Variants in EPHX1 observed in about 807,000 individuals in gnomAD.
EPHX1 encodes the protein epoxide hydratase.
Under a neutral mutation model 43.2 loss-of-function variants are expected in EPHX1, and 40 were observed. That is an observed-to-expected ratio of 0.93 (90% CI 0.72 to 1.21). The LOEUF (loss-of-function observed/expected upper bound fraction) is 1.21. EPHX1 is among the 50% of genes most tolerant of loss of function. The probability of loss-of-function intolerance (pLI) is 0.00; values close to 1 mark genes in which losing one functional copy is unlikely to be tolerated. For synonymous variants in EPHX1, 221 were observed against 226.7 expected, an observed-to-expected ratio of 0.98 and a Z score of 0.22; for missense variants, 550 against 570.4, an observed-to-expected ratio of 0.96 and a Z score of 0.36.
In EPHX1 at chr1:225,831,903, G is replaced by A. The variant is rs781728701; in HGVS notation, c.308G>A (p.Trp103Ter). 1.9e-6 allele frequency: 3 copies of A among 1,614,174 alleles called. No individual in the cohort carries two copies. Among genetic ancestry groups the A allele is most frequent in the East Asian group, 2.2e-5 (1 of 44,876 alleles). Residue 103 changes from tryptophan (W) to a stop codon, truncating the protein, a stop_gained, in exon 3 of 9, where the codon TGG becomes TAG. Transcript: ENST00000272167. LOFTEE classifies it high-confidence loss of function. ...VISYWRNEFD[W>*]KKQVEILNRY... ...TCCTACTGGCGGAATGAATTTGACT[G>A]GAAGAAGCAGGTGGAGATTCTCAAC...
chr1:225,815,362 C>T (rs1483224018), intron 1 of EPHX1, among the ~76,000 whole-genome samples: 1 of 105,944 alleles, frequency 9.4e-6, no homozygotes, highest in African/African-American at 3.0e-5. Flanking sequence ...TCCTCAGCCT[C>T]CCAAGTAGCT....
rs548572744 is a variant in EPHX1 at position 225,844,475 on chromosome 1, G to GGCTTT, written c.1041-21_1041-17dup. 2.8e-4 allele frequency: 447 copies of GGCTTT among 1,614,090 alleles called. 1 individual carries two copies. In the South Asian group the frequency reaches 4.7e-3, roughly 17 times the overall value. ...CAACTGCATGTGGCACTGAGAGTGG[G>GGCTTT]GCTTTGTGTTCTGCGTTCCCAGGAA... On this transcript the variant is annotated intron_variant, in intron 7 of 8. Transcript: ENST00000272167.
intron 7 of EPHX1, 44 bp from the exon 8 acceptor site, chr1:225,844,454 T>C: frequency 1.3e-6 from 2 of 1,490,010 alleles, no homozygotes; most frequent in Non-Finnish European, 1.9e-6. Context: ...GTCACACAAC[T>C]GCATGTGGCA....
chr1:225,813,745 T>G (rs978163699), intron 1 of EPHX1, among the ~76,000 whole-genome samples: 1 of 152,200 alleles, frequency 6.6e-6, no homozygotes, highest in Non-Finnish European at 1.5e-5. Context: ...GGAGTCCTCA[T>G]GCCCACCCGC....
intron 6 of EPHX1, among the ~76,000 whole-genome samples, chr1:225,841,925 CTGTACAGTATTT>C (rs535658819): frequency 2.2e-4 from 33 of 152,278 alleles, no homozygotes; most frequent in African/African-American, 7.2e-4. Context: ...TTTTTAATGA[CTGTACAGTATTT>C]TGGCTTATGA....
At chr1:225,831,520 C>T (rs1483113472) in intron 2 of EPHX1, among the ~76,000 whole-genome samples, 1 of 150,712 alleles carries the variant, frequency 6.6e-6, no homozygotes, top group Non-Finnish European at 1.5e-5. Context: ...GCCCTCCAGC[C>T]TGGGCAACAG....
At chr1:225,831,663 C>A (rs2740167) in intron 2 of EPHX1, 116 bp from the exon 3 acceptor site, 4 of 1,012,536 alleles carry the variant, frequency 4.0e-6, no homozygotes, top group Non-Finnish European at 3.1e-6. Context: ...CCTTGCCACT[C>A]CCAGAGGGCA....
chr1:225,831,071 C>T (rs1667561537), intron 2 of EPHX1, among the ~76,000 whole-genome samples: 1 of 152,104 alleles, frequency 6.6e-6, no homozygotes, highest in Admixed American at 6.5e-5. Flanking sequence ...TTTATTGGAA[C>T]ACAGCCACCC....
chr1:225,811,089 T>C (rs1666457826), intron 1 of EPHX1, among the ~76,000 whole-genome samples: 1 of 152,128 alleles, frequency 6.6e-6, no homozygotes, highest in Admixed American at 6.5e-5. Context: ...CCCTCTCCTC[T>C]TGTAGAACAG....
chr1:225,811,244 T>C (rs1666468485), intron 1 of EPHX1, among the ~76,000 whole-genome samples: 2 of 152,198 alleles, frequency 1.3e-5, no homozygotes, highest in Non-Finnish European at 2.9e-5. Context: ...TTCCTTGCCC[T>C]GGCGGCTCCC....
In EPHX1 at chr1:225,828,759, G is replaced by T. The variant is rs200493338; in HGVS notation, c.30G>T (p.Val10=). The change falls in exon 2 of 9, where the codon GTG becomes GTT. Residue 10 remains valine (V), a synonymous_variant. Transcript: ENST00000272167. MWLEILLTS[V]LGFAIYWFIS... is the part of the protein sequence containing the mutation. ...GGCTAGAAATCCTCCTCACTTCAGT[G>T]CTGGGCTTTGCCATCTACTGGTTCA... is the stretch of plus-strand genomic sequence containing the variant. 1 of 1,613,784 alleles carries T rather than the reference G, an allele frequency of 6.2e-7. No individual in the cohort carries two copies.
chr1:225,835,429 A>T (rs1323119770), intron 3 of EPHX1, among the ~76,000 whole-genome samples: 1 of 129,942 alleles, frequency 7.7e-6, no homozygotes, highest in Non-Finnish European at 1.5e-5. Context: ...TCGCTCTGTC[A>T]CCCAGGCTGG....
intron 1 of EPHX1, among the ~76,000 whole-genome samples, chr1:225,814,131 A>G (rs1016688493): frequency 6.6e-5 from 10 of 152,194 alleles, no homozygotes; most frequent in Non-Finnish European, 1.5e-4. Context: ...GCTGGGCAAG[A>G]TGGCGCACAC....
At chr1:225,812,265 C>T (rs1666518392) in intron 1 of EPHX1, among the ~76,000 whole-genome samples, 1 of 152,232 alleles carries the variant, frequency 6.6e-6, no homozygotes, top group Non-Finnish European at 1.5e-5. Context: ...GGACCTTCCA[C>T]AGAAAATAAC....
At chr1:225,835,511 T>A (rs12404479) in intron 3 of EPHX1, among the ~76,000 whole-genome samples, 14 of 148,386 alleles carry the variant, frequency 9.4e-5, no homozygotes, top group Admixed American at 2.7e-4. Context: ...TGCCTCAGCC[T>A]CCCGAGTAGC....
chr1:225,823,674 C>T (rs1180336825), intron 1 of EPHX1, among the ~76,000 whole-genome samples: 1 of 152,194 alleles, frequency 6.6e-6, no homozygotes, highest in Non-Finnish European at 1.5e-5. Flanking sequence ...GAGAGGGAGG[C>T]CATGAGAGGG....
intron 5 of EPHX1, 52 bp downstream of exon 5, chr1:225,839,398 TGTGTC>T: frequency 6.3e-7 from 1 of 1,599,122 alleles, no homozygotes; most frequent in Non-Finnish European, 8.5e-7. Flanking sequence ...TGTGTGTGTG[TGTGTC>T]CTCTAAGAAG....
chr1:225,845,232 C>CAAAGCTCATCTCCTATT lies in EPHX1; in HGVS notation c.1254_1270dup (p.Ser424Ter), dbSNP rs768279610. On this transcript the variant is annotated frameshift_variant, in exon 9 of 9. Transcript: ENST00000272167. LOFTEE classifies it high-confidence loss of function. Reference sequence around the variant, plus strand: ...GAAAAGTGGGTGAGGTTCAAGTACCCAAAGCTCATCTCCTATTCCTACATG... The same window carrying CAAAGCTCATCTCCTATT: ...GAAAAGTGGGTGAGGTTCAAGTACCCAAAGCTCATCTCCTATTAAAGCTCATCTCCTATTCCTACATG... The CAAAGCTCATCTCCTATT allele has an allele frequency of 2.5e-6, 4 of 1,614,124 alleles. No homozygotes were observed. The highest frequency in any genetic ancestry group is 2.5e-6 in the Non-Finnish European group (3 of 1,180,028).
chr1:225,826,843 AG>A (rs1436338208), intron 1 of EPHX1, among the ~76,000 whole-genome samples: 1 of 151,970 alleles, frequency 6.6e-6, no homozygotes, highest in Non-Finnish European at 1.5e-5. Flanking sequence ...TGATGGCATG[AG>A]GACTTGGTGA....
Sources: allele counts gnomAD v4.1 joint callset (sites outside exome capture counted in the v4.1 genomes callset), GRCh38; gene constraint gnomAD v4.1.1; transcripts MANE v1.5; gene names NCBI Gene and HGNC (gene_info 2026-07-23, HGNC 2026-07-21).